NDRG2: variants seen among roughly 807,000 people sequenced by gnomAD.
NDRG2 encodes NDRG family member 2.
A neutral mutation model predicts 58.2 loss-of-function variants in NDRG2; 34 were observed. The ratio of observed to expected loss-of-function variants is 0.58; its 90% CI spans 0.44 to 0.78. The LOEUF (loss-of-function observed/expected upper bound fraction) is 0.78, where lower values mean the gene tolerates loss of function less well. NDRG2 is among the 30% of genes least tolerant of loss of function. NDRG2 has a pLI of 0.00. For missense variants in NDRG2, 434 were observed against 471.2 expected, an observed-to-expected ratio of 0.92 and a Z score of 0.73; for synonymous variants, 187 against 175.9, an observed-to-expected ratio of 1.06 and a Z score of -0.50.
chr14:21,030,777 G>A, upstream of NDRG2: 1 of 1,610,836 alleles, frequency 6.2e-7, no homozygotes, highest in Non-Finnish European at 8.5e-7. Context: ...AAATATGGAG[G>A]TGGGGGTGAG....
chr14:21,057,080 G>A (rs1885706526), intron 1 of NDRG2, among the ~76,000 whole-genome samples: 1 of 152,120 alleles, frequency 6.6e-6, no homozygotes, highest in Non-Finnish European at 1.5e-5. Flanking sequence ...ACTCTTTCAG[G>A]GACACCTAAG....
In NDRG2 at chr14:21,022,727, G is replaced by A. The variant is rs1274692028; in HGVS notation, c.117+137C>T. ...AAGAGGAGGGGAAGGAAGGAGAGGG[G>A]AGAGATAGGGAAGGGAAAGGACTAG... is the stretch of plus-strand genomic sequence containing the variant. On this transcript the variant is annotated intron_variant, in intron 3 of 15. Transcript: ENST00000556147. The A allele has an allele frequency of 2.2e-5, 17 of 782,790 alleles. No individual in the cohort carries two copies. The East Asian group carries it at 4.6e-4, about 21-fold the overall frequency. 48.5% of individuals were successfully genotyped at this position (782,790 alleles called of 1,614,324 possible). A position where few individuals can be genotyped will look rare whatever the true frequency, so the allele number is the denominator to read the frequency against.
At chr14:21,020,942 C>G (rs764801730) in intron 6 of NDRG2, 98 bp from the exon 7 acceptor site, 2 of 1,338,390 alleles carry the variant, frequency 1.5e-6, no homozygotes, top group Admixed American at 3.5e-5. Flanking sequence ...CCTGAGTCCA[C>G]GGGCACAAAG....
chr14:21,040,488 C>A (rs1333775975), intron 1 of NDRG2, among the ~76,000 whole-genome samples: 1 of 152,200 alleles, frequency 6.6e-6, no homozygotes, highest in Non-Finnish European at 1.5e-5. Context: ...CAGTTATAAT[C>A]CACACAACAG....
At chr14:21,063,622 G>A (rs747213822) in intron 1 of NDRG2, among the ~76,000 whole-genome samples, 10 of 152,282 alleles carry the variant, frequency 6.6e-5, no homozygotes, top group Non-Finnish European at 1.2e-4. Flanking sequence ...ATGACTTCAC[G>A]CTGTTGGAAT....
intron 1 of NDRG2, chr14:21,032,089 A>T (rs1267660826): frequency 2.5e-6 from 4 of 1,608,476 alleles, no homozygotes; most frequent in Non-Finnish European, 3.4e-6. Flanking sequence ...GAGGAGCTTC[A>T]TCTCAGCCTG....
Position 21,037,800 on chromosome 14 carries a change from G to A in NDRG2, c.25-14479C>T, listed in dbSNP as rs150496699. Among the ~76,000 whole-genome samples the A allele has an allele frequency of 4.6e-5, 7 of 152,322 alleles. No individual in the cohort carries two copies. The East Asian group carries it at 1.3e-3, about 29-fold the overall frequency. ...TCTACCAGAAAAATGTGTATTGATA[G>A]TTCACCATTGAAACAATAACTGAGT... On this transcript the variant is annotated intron_variant, in intron 1 of 14. Transcript: ENST00000403829.
chr14:21,070,682 G>T lies in NDRG2; in HGVS notation c.24+146C>A. 1.1e-6 allele frequency: 1 copy of T among 926,346 alleles called. No homozygotes were observed. Among genetic ancestry groups the T allele is most frequent in the Non-Finnish European group, 1.6e-6 (1 of 627,626 alleles). 57.4% of individuals were successfully genotyped at this position (926,346 alleles called of 1,614,324 possible). On this transcript the variant is annotated intron_variant, in intron 1 of 14. Coordinates refer to the NDRG2 transcript ENST00000403829. This position sits in a 1 kb window ranked among gnomAD's most constrained non-coding sequence, Gnocchi z 4.7. ...TAATCCACACACCTCCCCGCTCCCC[G>T]CCCTCCTCTGTCCTGACCTGTGCCT...
At chr14:21,034,254 T>C (rs973063959) in intron 1 of NDRG2, 1 of 1,613,742 alleles carries the variant, frequency 6.2e-7, no homozygotes, top group Non-Finnish European at 8.5e-7. Flanking sequence ...CAGAACAAGC[T>C]GGAGGAAAAG....
chr14:21,030,403 G>A (rs1046582896), upstream of NDRG2: 34 of 630,868 alleles, frequency 5.4e-5, no homozygotes, highest in Middle Eastern at 8.7e-4. Flanking sequence ...CTGTAGTTGC[G>A]TAGGTGCAAT....
In NDRG2 at chr14:21,018,194, C is replaced by T. The variant is rs8016016; in HGVS notation, c.897+10G>A. Reference sequence around the variant, plus strand: ...CCCTTCCCCATCCCATGGACGGCAGCGGCACTCACCTGAGTCAGCTGGGGC... The same window carrying T: ...CCCTTCCCCATCCCATGGACGGCAGTGGCACTCACCTGAGTCAGCTGGGGC... On this transcript the variant is annotated intron_variant, in intron 14 of 15. Coordinates refer to ENST00000556147, the MANE Select transcript of NDRG2 (RefSeq NM_001320329.2). 3.8e-5 allele frequency: 61 copies of T among 1,613,706 alleles called. No homozygotes were observed. Among genetic ancestry groups the T allele is most frequent in the Non-Finnish European group, 4.9e-5 (58 of 1,179,914 alleles).
intron 1 of NDRG2, among the ~76,000 whole-genome samples, chr14:21,065,149 C>T (rs1175689144): frequency 2.0e-5 from 3 of 150,720 alleles, no homozygotes; most frequent in African/African-American, 4.9e-5. Flanking sequence ...CCAGCCTGGG[C>T]GATGAGCAAA....
chr14:21,020,646 C>A, intron 7 of NDRG2, 64 bp from the exon 8 acceptor site: 1 of 1,588,190 alleles, frequency 6.3e-7, no homozygotes, highest in South Asian at 1.1e-5. Flanking sequence ...CCCCGCTAAG[C>A]TCGACCCACT....
chr14:21,035,896 A>T, intron 1 of NDRG2: 1 of 452,600 alleles, frequency 2.2e-6, no homozygotes, highest in Non-Finnish European at 4.4e-6. Context: ...GTTAAGATCA[A>T]GGCTTTTGAG....
chr14:21,019,498 GC>G, intron 10 of NDRG2, 140 bp downstream of exon 10: 2 of 636,934 alleles, frequency 3.1e-6, no homozygotes, highest in Non-Finnish European at 2.8e-6. Flanking sequence ...TCCTGAAGCT[GC>G]CCCCATTGCA....
In NDRG2 at chr14:21,068,151, T is replaced by C. The variant is rs370914617; in HGVS notation, c.24+2677A>G. Among the ~76,000 whole-genome samples, 642 of 49,158 alleles carry C rather than the reference T, an allele frequency of 0.013. 216 individuals carry two copies. The South Asian group carries it at 0.13, about 10-fold the overall frequency. The allele number at this position is 49,158 out of a possible 152,430, so 32.2% of individuals were successfully genotyped here. A position where few individuals can be genotyped will look rare whatever the true frequency, so the allele number is the denominator to read the frequency against. On this transcript the variant is annotated intron_variant, in intron 1 of 14. Coordinates refer to the NDRG2 transcript ENST00000403829. ...AGTAGCTGGGACTACAGGCGCCCGC[T>C]ACCACGCCCGGCTAATTTTTTGTAT...
chr14:21,059,046 G>T (rs1323957855), intron 1 of NDRG2, among the ~76,000 whole-genome samples: 3 of 152,220 alleles, frequency 2.0e-5, no homozygotes, highest in African/African-American at 7.2e-5. Flanking sequence ...GCCCCTTGAG[G>T]GCTCTCTGGT....
At chr14:21,017,853 G>C (rs1877612985) in intron 15 of NDRG2, 91 bp from the exon 16 acceptor site, 1 of 1,602,570 alleles carries the variant, frequency 6.2e-7, no homozygotes. Context: ...TTATGGACTA[G>C]TTATAACTAA....
intron 1 of NDRG2, chr14:21,042,320 C>T (rs1884934127): frequency 6.6e-6 from 1 of 152,138 alleles, no homozygotes; most frequent in African/African-American, 2.5e-5. Context: ...CAGCGTAGCC[C>T]GGGCCAGCTC....
Sources: gnomAD v4.1 joint callset for allele counts (sites outside exome capture counted in the v4.1 genomes callset) on GRCh38, gnomAD v4.1.1 for gene constraint, Gnocchi (gnomAD v3.1) non-coding constraint, MANE v1.5 for transcripts, NCBI Gene and HGNC (gene_info 2026-07-23, HGNC 2026-07-21) for gene names.